The following PHIP variants were observed in gnomAD, a reference collection of about 807,000 sequenced individuals.
PHIP encodes PHIP subunit of CUL4-Ring ligase complex.
PHIP carries 54 observed loss-of-function variants against 236.8 expected under a neutral mutation model. The ratio of observed to expected loss-of-function variants is 0.23; its 90% confidence interval spans 0.18 to 0.29. PHIP has a LOEUF of 0.29. PHIP is among the 10% of genes least tolerant of loss of function. PHIP has a pLI of 1.00. For synonymous variants in PHIP, 756 were observed against 718.9 expected, an observed-to-expected ratio of 1.05 and a Z score of -0.83; for missense variants, 1,370 against 2,190.8, an observed-to-expected ratio of 0.63 and a Z score of 7.48.
At chr6:79,061,533 T>C (rs918816796) in intron 4 of PHIP, among the ~76,000 whole-genome samples, 3 of 152,180 alleles carry the variant, frequency 2.0e-5, no homozygotes, top group African/African-American at 7.2e-5. Flanking sequence ...ATATTAAAGA[T>C]TCACAGAAAT....
chr6:78,972,027 C>T (rs1767612754), intron 24 of PHIP, among the ~76,000 whole-genome samples: 1 of 152,120 alleles, frequency 6.6e-6, no homozygotes, highest in Non-Finnish European at 1.5e-5. Context: ...GAGCCCACCA[C>T]AGCTCAAGGA....
intron 24 of PHIP, among the ~76,000 whole-genome samples, chr6:78,972,630 A>C (rs1469061165): frequency 6.6e-6 from 1 of 152,176 alleles, no homozygotes; most frequent in East Asian, 1.9e-4. Flanking sequence ...AAAACTTTGA[A>C]AAAAATTTAG....
intron 20 of PHIP, among the ~76,000 whole-genome samples, 181 bp from the exon 21 acceptor site, chr6:78,988,530 GCA>G (rs1769012960): frequency 6.6e-6 from 1 of 152,084 alleles, no homozygotes; most frequent in Admixed American, 6.6e-5. Context: ...AGGGATGATT[GCA>G]CCACTGCACT....
In PHIP at chr6:78,941,269, C is replaced by T. The variant is rs781149263; in HGVS notation, c.4890G>A (p.Gln1630=). 1 of 1,613,338 alleles carries T rather than the reference C, an allele frequency of 6.2e-7. No individual in the cohort carries two copies. Among genetic ancestry groups the T allele is most frequent in the Non-Finnish European group, 8.5e-7 (1 of 1,179,460 alleles). ...GTIQVNGHGG[Q]PSKLVKRGPG... Reference sequence around the variant, plus strand: ...GTCCCCTCTTCACAAGTTTTGATGGCTGTCCTCCATGGCCATTTACTTGAA... The same window carrying T: ...GTCCCCTCTTCACAAGTTTTGATGGTTGTCCTCCATGGCCATTTACTTGAA... The change falls in exon 40 of 40, where the codon CAG becomes CAA. Residue 1630 remains glutamine, a synonymous_variant. Coordinates refer to ENST00000275034, the MANE Select transcript of PHIP (RefSeq NM_017934.7).
chr6:79,053,071 A>T (rs936148456), intron 6 of PHIP, among the ~76,000 whole-genome samples: 1 of 152,148 alleles, frequency 6.6e-6, no homozygotes, highest in Non-Finnish European at 1.5e-5. Flanking sequence ...TAATCCTAGC[A>T]CTTTGGGAGA....
At chr6:78,957,251 TCTA>T (rs1189325230) in intron 32 of PHIP, 2 of 152,020 alleles carry the variant, frequency 1.3e-5, no homozygotes, top group African/African-American at 2.4e-5. Context: ...CTCATGTAGT[TCTA>T]CTGATTCTCT....
intron 4 of PHIP, among the ~76,000 whole-genome samples, chr6:79,066,446 A>G (rs9352688): frequency 0.26 from 40,175 of 152,052 alleles, 5,617 homozygotes; most frequent in Non-Finnish European, 0.31. Context: ...CACATAAGAG[A>G]GTCAAACCAT....
intron 35 of PHIP, among the ~76,000 whole-genome samples, chr6:78,953,734 C>T (rs944598630): frequency 2.0e-5 from 3 of 152,024 alleles, no homozygotes; most frequent in African/African-American, 7.2e-5. Flanking sequence ...TAAGTTAGAA[C>T]AAAAATTAGC....
chr6:79,001,225 C>T (rs1311483002), intron 17 of PHIP, among the ~76,000 whole-genome samples: 2 of 152,020 alleles, frequency 1.3e-5, no homozygotes, highest in African/African-American at 4.8e-5. Flanking sequence ...TACACTAGTG[C>T]TGCATTTCTT....
At chr6:79,003,590 C>T in intron 16 of PHIP, 140 bp downstream of exon 16, 2 of 497,970 alleles carry the variant, frequency 4.0e-6, no homozygotes, top group Non-Finnish European at 6.8e-6. Flanking sequence ...GAAACTAAGT[C>T]TCCAGACTAC....
At chr6:78,952,622 G>T (rs1348950858) in intron 35 of PHIP, among the ~76,000 whole-genome samples, 2 of 151,746 alleles carry the variant, frequency 1.3e-5, no homozygotes, top group Non-Finnish European at 1.5e-5. Flanking sequence ...TTCTGTGTGG[G>T]ATTCTATAGA....
At chr6:78,988,457 G>A (rs537795342) in intron 20 of PHIP, 108 bp from the exon 21 acceptor site, 12 of 736,910 alleles carry the variant, frequency 1.6e-5, no homozygotes, top group African/African-American at 9.0e-5. Context: ...GCATGGTGGC[G>A]CATGCCTATA....
At chr6:78,999,856 T>C (rs919968389) in intron 17 of PHIP, among the ~76,000 whole-genome samples, 1 of 151,996 alleles carries the variant, frequency 6.6e-6, no homozygotes, top group African/African-American at 2.4e-5. Context: ...GTCACCAAAG[T>C]AGAAGTAGTA....
intron 15 of PHIP, among the ~76,000 whole-genome samples, chr6:79,011,483 G>A (rs1021383580): frequency 6.6e-6 from 1 of 151,778 alleles, no homozygotes; most frequent in African/African-American, 2.4e-5. Flanking sequence ...TTAAAGATGA[G>A]ACAACAGAAA....
At chr6:79,077,959 G>A in intron 1 of PHIP, 46 bp from the exon 2 acceptor site, 4 of 1,586,768 alleles carry the variant, frequency 2.5e-6, no homozygotes, top group East Asian at 2.3e-5. Context: ...TGAGCGGTCG[G>A]GCGGCGGGGG....
At chr6:79,015,582 T>G (rs1391367866) in intron 14 of PHIP, 48 bp downstream of exon 14, 1 of 1,350,542 alleles carries the variant, frequency 7.4e-7, no homozygotes, top group East Asian at 2.3e-5. Context: ...TGTTTCATTC[T>G]ATAGTCAGCT....
At chr6:78,959,347 A>C (rs1178105249) in intron 31 of PHIP, among the ~76,000 whole-genome samples, 1 of 152,174 alleles carries the variant, frequency 6.6e-6, no homozygotes, top group Non-Finnish European at 1.5e-5. Context: ...TGGACATAGA[A>C]ACATAAAGAA....
In PHIP at chr6:79,039,581, G is replaced by T. The variant is rs929834802; in HGVS notation, c.600+3262C>A. Among the ~76,000 whole-genome samples, 7 of 152,056 alleles carry T rather than the reference G, an allele frequency of 4.6e-5. 1 individual carries two copies. Among genetic ancestry groups the T allele is most frequent in the African/African-American group, 1.7e-4 (7 of 41,412 alleles). On this transcript the variant is annotated intron_variant, in intron 7 of 39. Coordinates refer to ENST00000275034, the MANE Select transcript of PHIP (RefSeq NM_017934.7). ...CTACTTTCAATTCTATATCCCAACT[G>T]CTTAAAACAGTGGCTGGTTCATAAA...
intron 6 of PHIP, among the ~76,000 whole-genome samples, chr6:79,059,885 T>C (rs1225043299): frequency 6.6e-6 from 1 of 151,798 alleles, no homozygotes; most frequent in East Asian, 1.9e-4. Context: ...ACAACAAAGG[T>C]AGAACTGAAT....
Sources: gnomAD v4.1 joint callset for allele counts (sites outside exome capture counted in the v4.1 genomes callset) on GRCh38, gnomAD v4.1.1 for gene constraint, MANE v1.5 for transcripts, NCBI Gene and HGNC (gene_info 2026-07-23, HGNC 2026-07-21) for gene names.